The following FRAS1 variants were observed in gnomAD, a reference collection of about 807,000 sequenced individuals.
FRAS1 encodes the protein Fraser extracellular matrix complex subunit 1, also known as extracellular matrix organizing protein FRAS1.
FRAS1 carries 290 observed loss-of-function variants against 435.2 expected under a neutral mutation model. That is an observed-to-expected ratio of 0.67 (90% CI 0.61 to 0.73). The LOEUF is 0.73. FRAS1 is among the 30% of genes least tolerant of loss of function. FRAS1 has a pLI of 0.00. For synonymous variants in FRAS1, 1,800 were observed against 1,851.0 expected, an observed-to-expected ratio of 0.97 and a Z score of 0.71; for missense variants, 4,860 against 5,001.5, an observed-to-expected ratio of 0.97 and a Z score of 0.85.
intron 59 of FRAS1, among the ~76,000 whole-genome samples, chr4:78,496,219 C>T (rs540379091): frequency 2.0e-5 from 3 of 152,142 alleles, no homozygotes; most frequent in African/African-American, 7.2e-5. Context: ...TTCCATCAAA[C>T]AGGGATTTGG....
intron 2 of FRAS1, among the ~76,000 whole-genome samples, chr4:78,100,408 A>G (rs931854985): frequency 5.3e-5 from 8 of 152,152 alleles, no homozygotes; most frequent in African/African-American, 1.9e-4. Flanking sequence ...TTGCTCCACT[A>G]TTTTTCCACT....
intron 31 of FRAS1, among the ~76,000 whole-genome samples, chr4:78,410,507 A>T (rs1374518995): frequency 6.6e-6 from 1 of 152,116 alleles, no homozygotes; most frequent in African/African-American, 2.4e-5. Flanking sequence ...TATTACTTAC[A>T]AAGTGGTTCC....
intron 47 of FRAS1, among the ~76,000 whole-genome samples, chr4:78,457,237 A>C (rs1719230070): frequency 6.6e-6 from 1 of 152,198 alleles, no homozygotes; most frequent in Non-Finnish European, 1.5e-5. Context: ...AGTCCACCGG[A>C]AGCTGAACCA....
In FRAS1 at chr4:78,057,548, C is replaced by T; in HGVS notation, c.-462C>T. On this transcript the variant is annotated 5_prime_UTR_variant, in exon 1 of 74. It adds an upstream start codon to the 5' untranslated region. Transcript: ENST00000512123. The surrounding 1 kb of genome is among the most constrained non-coding windows in gnomAD (Gnocchi z 4.2). ...CCGGCGACCCGCGGTGCCGACGCAACGCCGACGTATGGTGCCAAGCGAACT... is the reference window on the plus strand; with the variant it reads ...CCGGCGACCCGCGGTGCCGACGCAATGCCGACGTATGGTGCCAAGCGAACT... The T allele has an allele frequency of 6.4e-6, 1 of 157,286 alleles. No individual in the cohort carries two copies. The highest frequency in any genetic ancestry group is 1.4e-5 in the Non-Finnish European group (1 of 71,532). 9.7% of individuals were successfully genotyped at this position (157,286 alleles called of 1,614,324 possible).
At chr4:78,185,883 T>C (rs1197251029) in intron 2 of FRAS1, among the ~76,000 whole-genome samples, 4 of 152,206 alleles carry the variant, frequency 2.6e-5, no homozygotes, top group Non-Finnish European at 5.9e-5. Context: ...AATTTGGCAT[T>C]TTCTATTCAA....
At chr4:78,281,511 G>A (rs1422659109) in intron 11 of FRAS1, 78 bp downstream of exon 11, 11 of 869,830 alleles carry the variant, frequency 1.3e-5, no homozygotes, top group Non-Finnish European at 1.9e-5. Flanking sequence ...ATATCATGGG[G>A]AAACTTAGGA....
intron 19 of FRAS1, 91 bp downstream of exon 19, chr4:78,333,503 C>G (rs569537887): frequency 7.6e-7 from 1 of 1,320,860 alleles, no homozygotes. Context: ...CCTTGTCATA[C>G]CGGGGACTAA....
At chr4:78,532,650 T>C (rs112479226) in intron 70 of FRAS1, among the ~76,000 whole-genome samples, 7 of 152,264 alleles carry the variant, frequency 4.6e-5, no homozygotes, top group African/African-American at 1.7e-4. Flanking sequence ...ACTGTTCTCT[T>C]TGTTTCTGTG....
At position 78,115,012 on chromosome 4, in the gene FRAS1, C is replaced by T. The variant is rs535588608; in HGVS notation, c.108+48996C>T. 1.4e-4 allele frequency among the ~76,000 whole-genome samples: 21 copies of T among 152,150 alleles called. No homozygotes were observed. In the South Asian group the frequency reaches 4.4e-3, roughly 32 times the overall value. ...ATTTTGAGATACGTCCCATCAATAC[C>T]TAATTTATTGAGAGTTTTTAGCATG... On this transcript the variant is annotated intron_variant, in intron 2 of 73. Coordinates refer to ENST00000512123, the MANE Select transcript of FRAS1 (RefSeq NM_025074.7).
chr4:78,464,572 G>A lies in FRAS1; in HGVS notation c.7018G>A (p.Ala2340Thr). 1 of 1,613,792 alleles carries A rather than the reference G, an allele frequency of 6.2e-7. No individual in the cohort carries two copies. The highest frequency in any genetic ancestry group is 1.7e-5 in the Admixed American group (1 of 60,012). Residue 2340 changes from alanine (A) to threonine (T), a missense_variant, in exon 49 of 74, where the codon GCT (alanine) becomes ACT (threonine). Physicochemically the swap from Ala to Thr is moderately conservative, Grantham distance 58. Coordinates refer to ENST00000512123, the MANE Select transcript of FRAS1 (RefSeq NM_025074.7). ...AGAGTTTGAGCTTAAGGCGGTGGATGCTGACACAGAGGTAAGAGCACTTCT... is the reference window on the plus strand; with the variant it reads ...AGAGTTTGAGCTTAAGGCGGTGGATACTGACACAGAGGTAAGAGCACTTCT... ...ITEFELKAVDADTEAESVTFT... is the reference protein window; with the variant it reads ...ITEFELKAVDTDTEAESVTFT...
intron 59 of FRAS1, among the ~76,000 whole-genome samples, chr4:78,493,748 A>G (rs1455543047): frequency 2.0e-5 from 3 of 152,168 alleles, no homozygotes; most frequent in Non-Finnish European, 2.9e-5. Context: ...TGACACATGT[A>G]TACCTATGTG....
At position 78,286,492 on chromosome 4, in the gene FRAS1, T is replaced by A; in HGVS notation, c.1487T>A (p.Val496Glu). Residue 496 changes from valine (V) to glutamate (E), a missense_variant, in exon 14 of 74, where the codon GTG (valine) becomes GAG (glutamate). Val to Glu is a moderately radical substitution (Grantham distance 121). Transcript: ENST00000512123. ...PPLLMRHGQC[V>E]PTCGDGFYQD... ...CTGCTGATGCGGCACGGGCAGTGTG[T>A]GCCTACCTGTGGGGACGGCTTCTAC... The A allele has an allele frequency of 6.2e-7, 1 of 1,613,698 alleles. No individual in the cohort carries two copies. Among genetic ancestry groups the A allele is most frequent in the Non-Finnish European group, 8.5e-7 (1 of 1,179,872 alleles).
At chr4:78,372,899 T>C in intron 24 of FRAS1, 41 bp downstream of exon 24, 1 of 1,595,724 alleles carries the variant, frequency 6.3e-7, no homozygotes, top group African/African-American at 1.3e-5. Flanking sequence ...AGCCATACCT[T>C]GGCCACCTCT....
At chr4:78,115,326 G>A (rs188781137) in intron 2 of FRAS1, among the ~76,000 whole-genome samples, 1 of 152,122 alleles carries the variant, frequency 6.6e-6, no homozygotes, top group Non-Finnish European at 1.5e-5. Context: ...TTTGGTATCA[G>A]GATGATGCTG....
chr4:78,187,921 G>A (rs574706085), intron 2 of FRAS1, among the ~76,000 whole-genome samples: 1 of 152,222 alleles, frequency 6.6e-6, no homozygotes, highest in East Asian at 1.9e-4. Context: ...TATTCTTAAA[G>A]ACAGCATCAG....
chr4:78,474,124 C>G (rs7661794), intron 53 of FRAS1, among the ~76,000 whole-genome samples: 90,102 of 152,044 alleles, frequency 0.59, 27,945 homozygotes, highest in South Asian at 0.83. Flanking sequence ...TGTTCCCAAC[C>G]CTGTTTTCTC....
At chr4:78,163,784 T>C (rs1721234432) in intron 2 of FRAS1, among the ~76,000 whole-genome samples, 1 of 152,242 alleles carries the variant, frequency 6.6e-6, no homozygotes, top group African/African-American at 2.4e-5. Context: ...TAATATTTTG[T>C]TTTCCCTTTG....
chr4:78,484,425 T>C (rs1391915877), intron 58 of FRAS1, among the ~76,000 whole-genome samples: 1 of 152,234 alleles, frequency 6.6e-6, no homozygotes, highest in Non-Finnish European at 1.5e-5. Context: ...TTTTGTCTTT[T>C]TGTTCTGTAA....
Position 78,383,946 on chromosome 4 carries a change from G to C in FRAS1, c.3564-113G>C, listed in dbSNP as rs1236052399. 4.1e-6 allele frequency: 3 copies of C among 723,378 alleles called. No homozygotes were observed. In the African/African-American group the frequency reaches 5.5e-5, roughly 13 times the overall value. 44.8% of individuals were successfully genotyped at this position (723,378 alleles called of 1,614,324 possible). ...GTATGAGTGTGACATTACTGCAGCA[G>C]TTTGATCCAAATTCTTACCTACACA... On this transcript the variant is annotated intron_variant, in intron 27 of 73. Coordinates refer to ENST00000512123, the MANE Select transcript of FRAS1 (RefSeq NM_025074.7).
Sources: gnomAD v4.1 joint callset for allele counts (sites outside exome capture counted in the v4.1 genomes callset) on GRCh38, gnomAD v4.1.1 for gene constraint, Gnocchi (gnomAD v3.1) non-coding constraint, MANE v1.5 for transcripts, NCBI Gene and HGNC (gene_info 2026-07-23, HGNC 2026-07-21) for gene names.